Variants in PLEC observed in about 807,000 individuals in gnomAD.
PLEC encodes the protein hemidesmosomal protein 1.
A neutral mutation model predicts 392.8 loss-of-function variants in PLEC; 216 were observed. The observed-to-expected ratio is 0.55, with a 90% CI of 0.49 to 0.62. The LOEUF is 0.62. Ranked by LOEUF, PLEC falls within the 20% of genes least tolerant of loss-of-function variation. The pLI is 0.00. For synonymous variants in PLEC, 3,621 were observed against 2,980.6 expected, an observed-to-expected ratio of 1.21 and a Z score of -7.00; for missense variants, 6,863 against 6,563.4, an observed-to-expected ratio of 1.05 and a Z score of -1.58.
In PLEC at chr8:143,921,584, C is replaced by T. The variant is rs781927726; in HGVS notation, c.8237G>A (p.Arg2746Gln). 23 of 1,612,108 alleles carry T rather than the reference C, an allele frequency of 1.4e-5. No individual in the cohort carries two copies. Among genetic ancestry groups the T allele is most frequent in the East Asian group, 4.5e-5 (2 of 44,868 alleles). ...SGFLLDPVRN[R>Q]RLTVNEAVKE... The stretch of plus-strand genomic sequence containing the variant: ...CACAGCCTCGTTGACGGTCAGCCGC[C>T]GGTTCCGCACAGGGTCCAGCAGGAA... The change falls in exon 32 of 32, where the codon CGG (arginine) becomes CAG (glutamine). Residue 2746 changes from arginine to glutamine, a missense_variant. Physicochemically the swap from Arg to Gln is conservative, Grantham distance 43. Coordinates refer to ENST00000345136, the MANE Select transcript of PLEC (RefSeq NM_201384.3).
intron 2 of PLEC, 24 bp from the exon 3 acceptor site, chr8:143,938,264 G>A (rs1238762148): frequency 1.9e-6 from 3 of 1,572,862 alleles, no homozygotes; most frequent in African/African-American, 1.4e-5. Context: ...AGCGGCTGAG[G>A]TGGCCAGTCC....
At chr8:143,953,083 A>G (rs1349896651), upstream of PLEC, among the ~76,000 whole-genome samples, 2 of 137,348 alleles carry the variant, frequency 1.5e-5, no homozygotes, top group African/African-American at 5.5e-5. Flanking sequence ...GTCCCCCAAG[A>G]CCCCCGGGCG....
chr8:143,921,802 C>G lies in PLEC; in HGVS notation c.8019G>C (p.Ala2673=), dbSNP rs374178650. 1.2e-6 allele frequency: 2 copies of G among 1,609,636 alleles called. No individual in the cohort carries two copies. The highest frequency in any genetic ancestry group is 2.2e-5 in the South Asian group (2 of 91,048). Residue 2673 remains alanine, a synonymous_variant, in exon 32 of 32, where the codon GCG becomes GCC. Transcript: ENST00000345136. ...GCTCGTCCACCGTGGTGTGGCCCTG[C>G]GCCAACCGCTGCAGCTCCTCCGCAC... The part of the protein sequence containing the change: ...ILSAEELQRL[A]QGHTTVDELA...
At chr8:143,927,360 G>T (rs781930858) in intron 27 of PLEC, 25 bp from the exon 28 acceptor site, 1 of 1,611,514 alleles carries the variant, frequency 6.2e-7, no homozygotes, top group African/African-American at 1.3e-5. Context: ...GGTCAGAGCC[G>T]TGGCCGCAGG....
chr8:143,932,358 G>A (rs782037011), intron 16 of PLEC, 42 bp downstream of exon 16: 5 of 1,610,810 alleles, frequency 3.1e-6, no homozygotes, highest in Non-Finnish European at 4.2e-6. Flanking sequence ...GCACAGCTGG[G>A]GAGGGGGCTG....
intron 7 of PLEC, 37 bp from the exon 8 acceptor site, chr8:143,935,154 A>G: frequency 6.2e-7 from 1 of 1,611,734 alleles, no homozygotes; most frequent in South Asian, 1.1e-5. Context: ...GCTCTGGGGC[A>G]GGCAGCAGGG....
At chr8:143,935,343 G>C in intron 6 of PLEC, 30 bp from the exon 7 acceptor site, 7 of 1,518,572 alleles carry the variant, frequency 4.6e-6, no homozygotes, top group Middle Eastern at 1.9e-4. Flanking sequence ...GGTCAGGTGG[G>C]TGGGACAAGA....
rs1564036394 is a variant in PLEC at position 143,924,284 on chromosome 8, T to G, written c.5645A>C (p.Glu1882Ala). Residue 1882 changes from glutamate to alanine, a missense_variant, in exon 31 of 32, where the codon GAG becomes GCG. Physicochemically the swap from Glu to Ala is moderately radical, Grantham distance 107 (BLOSUM62 -1). Coordinates refer to ENST00000345136, the MANE Select transcript of PLEC (RefSeq NM_201384.3). ...DEAFQRRRLE[E>A]QAAQHKADIE... Reference sequence around the variant, plus strand: ...GTCAGCCTTGTGTTGCGCGGCCTGCTCCTCCAGCCGCCGCCGCTGGAAGGC... The same window carrying G: ...GTCAGCCTTGTGTTGCGCGGCCTGCGCCTCCAGCCGCCGCCGCTGGAAGGC... The G allele has an allele frequency of 1.9e-6, 3 of 1,595,582 alleles. No individual in the cohort carries two copies. The highest frequency in any genetic ancestry group is 2.5e-6 in the Non-Finnish European group (3 of 1,178,326).
At chr8:143,972,031 A>G (rs1389898599) in intron 1 of PLEC, among the ~76,000 whole-genome samples, 2 of 152,212 alleles carry the variant, frequency 1.3e-5, no homozygotes, top group African/African-American at 4.8e-5. Flanking sequence ...AAGCCTCAGC[A>G]CAATGCCCAG....
rs564908804 is a variant in PLEC, at chr8:143,922,990, C to T, written c.6939G>A (p.Lys2313=). The change falls in exon 31 of 32, where the codon AAG becomes AAA. Residue 2313 remains lysine, a synonymous_variant. Coordinates refer to ENST00000345136, the MANE Select transcript of PLEC (RefSeq NM_201384.3). ...CCTCCTGCACCGCCTGCATCTTCTC[C>T]TTGAGCATCTTCTCTGCCAAGGCCC... The part of the protein sequence containing the change: ...QQRALAEKML[K]EKMQAVQEAT... 2 of 1,611,986 alleles carry T rather than the reference C, an allele frequency of 1.2e-6. No individual in the cohort carries two copies. The highest frequency in any genetic ancestry group is 1.7e-5 in the Admixed American group (1 of 59,874).
At chr8:143,952,220 A>ACACACG (rs782520190), upstream of PLEC, among the ~76,000 whole-genome samples, 23 of 139,892 alleles carry the variant, frequency 1.6e-4, no homozygotes, top group Middle Eastern at 3.6e-3. Context: ...GCGCGCACAC[A>ACACACG]CGCACGCGCA....
rs782216765 is a variant in PLEC at position 143,935,245 on chromosome 8, G to C, written c.671C>G (p.Ser224Cys). The C allele has an allele frequency of 6.2e-7, 1 of 1,612,388 alleles. No homozygotes were observed. Among genetic ancestry groups the C allele is most frequent in the South Asian group, 1.1e-5 (1 of 91,078 alleles). Residue 224 changes from serine to cysteine, a missense_variant, in exon 7 of 32, where the codon TCT becomes TGT. Physicochemically the swap from Ser to Cys is moderately radical, Grantham distance 112. Coordinates refer to ENST00000345136, the MANE Select transcript of PLEC (RefSeq NM_201384.3). ...TNLENLDQAF[S>C]VAERDLGVTR... ...CACTCCCAGGTCCCGCTCCGCCACA[G>C]AGAAGGCCTGGTCCAGGTTCTCCAG...
At chr8:143,943,310 G>T (rs1259048072), upstream of PLEC, among the ~76,000 whole-genome samples, 2 of 152,236 alleles carry the variant, frequency 1.3e-5, no homozygotes, top group Non-Finnish European at 2.9e-5. Context: ...CCAGGAGCTG[G>T]TGACTTTGAG....
intron 25 of PLEC, among the ~76,000 whole-genome samples, chr8:143,928,405 C>T (rs1295118398): frequency 6.6e-6 from 1 of 152,248 alleles, no homozygotes; most frequent in East Asian, 1.9e-4. Context: ...AGCGGCGGCC[C>T]TATCACTGTG....
Position 143,926,990 on chromosome 8 carries a change from C to T in PLEC, c.3932G>A (p.Ser1311Asn), listed in dbSNP as rs1028404534. ...GCCCCACCCTACCTCCTGGATGACACTCTCTGATCCCGACTGGACCTTGGG... is the reference window on the plus strand; with the variant it reads ...GCCCCACCCTACCTCCTGGATGACATTCTCTGATCCCGACTGGACCTTGGG... ...KKPKVQSGSE[S>N]VIQEYVDLRT... The change falls in exon 29 of 32, where the codon AGT (serine) becomes AAT (asparagine). Residue 1311 changes from serine to asparagine, a missense_variant. Transcript: ENST00000345136. The T allele has an allele frequency of 1.9e-6, 3 of 1,613,158 alleles. No homozygotes were observed. The highest frequency in any genetic ancestry group is 1.7e-6 in the Non-Finnish European group (2 of 1,179,876).
At chr8:143,958,185 A>G (rs527959929), upstream of PLEC, among the ~76,000 whole-genome samples, 49 of 152,086 alleles carry the variant, frequency 3.2e-4, no homozygotes, top group South Asian at 9.6e-3. The surrounding 1 kb of genome is among the most constrained non-coding windows in gnomAD (Gnocchi z 4.9). Context: ...AGAGCCTTCC[A>G]TGCTCTGGAG....
chr8:143,959,651 C>A (rs576828566), intron 1 of PLEC, among the ~76,000 whole-genome samples: 74 of 152,370 alleles, frequency 4.9e-4, no homozygotes, highest in African/African-American at 1.7e-3. Context: ...TTGGGCACTG[C>A]TGGAGGGACG....
At chr8:143,951,022 A>G, upstream of PLEC, 1 of 495,066 alleles carries the variant, frequency 2.0e-6, no homozygotes. Flanking sequence ...GGGCCCTTGT[A>G]GAGTGGGGGG....
chr8:143,920,910 G>T lies in PLEC; in HGVS notation c.8911C>A (p.Arg2971=). Residue 2971 remains arginine (R), a synonymous_variant, in exon 32 of 32, where the codon CGG becomes AGG. Transcript: ENST00000345136. ...CTGCGCAGGCCCTCAAAGCAAAGCC[G>T]GCCCTTCTGCTCCTGCTCCTCCACC... ...TVVEEQEQKG[R]LCFEGLRSLV... 1 of 1,612,462 alleles carries T rather than the reference G, an allele frequency of 6.2e-7. No homozygotes were observed. The highest frequency in any genetic ancestry group is 8.5e-7 in the Non-Finnish European group (1 of 1,180,028).
Sources: allele counts gnomAD v4.1 joint callset (sites outside exome capture counted in the v4.1 genomes callset), GRCh38; gene constraint gnomAD v4.1.1; non-coding constraint Gnocchi (gnomAD v3.1); transcripts MANE v1.5; gene names NCBI Gene and HGNC (gene_info 2026-07-23, HGNC 2026-07-21).